Variants in SMYD3 observed in about 807,000 individuals in gnomAD.
The protein encoded by SMYD3 is histone-lysine N-methyltransferase SMYD3.
Under a neutral mutation model 57.7 loss-of-function variants are expected in SMYD3, and 36 were observed. The ratio of observed to expected loss-of-function variants is 0.62; its 90% CI spans 0.48 to 0.82. The LOEUF is 0.82. Ranked by LOEUF, SMYD3 falls within the 40% of genes least tolerant of loss-of-function variation. The pLI is 0.00. For synonymous variants in SMYD3, 211 were observed against 195.0 expected, an observed-to-expected ratio of 1.08 and a Z score of -0.68; for missense variants, 515 against 538.8, an observed-to-expected ratio of 0.96 and a Z score of 0.44.
At chr1:246,467,842 T>C (rs992569377) in intron 1 of SMYD3, among the ~76,000 whole-genome samples, 3 of 152,162 alleles carry the variant, frequency 2.0e-5, no homozygotes, top group African/African-American at 7.2e-5. Context: ...CTGATTAACA[T>C]AGAGGCAAAA....
chr1:245,767,844 C>CT (rs1302180502), intron 10 of SMYD3, among the ~76,000 whole-genome samples: 1 of 152,226 alleles, frequency 6.6e-6, no homozygotes, highest in African/African-American at 2.4e-5. Flanking sequence ...CTGGACTTAC[C>CT]TTGCCAGCAG....
At chr1:245,816,103 T>C (rs1479287066) in intron 10 of SMYD3, among the ~76,000 whole-genome samples, 1 of 152,246 alleles carries the variant, frequency 6.6e-6, no homozygotes, top group Non-Finnish European at 1.5e-5. Context: ...GAAGATAATG[T>C]ATTCAATGAA....
chr1:246,404,729 G>A (rs1334393596), intron 1 of SMYD3, among the ~76,000 whole-genome samples: 1 of 151,976 alleles, frequency 6.6e-6, no homozygotes, highest in Non-Finnish European at 1.5e-5. Flanking sequence ...GCTAGTTAAT[G>A]AAAATTCAAT....
At chr1:246,122,797 C>T (rs914935330) in intron 5 of SMYD3, among the ~76,000 whole-genome samples, 4 of 152,166 alleles carry the variant, frequency 2.6e-5, no homozygotes, top group Non-Finnish European at 4.4e-5. Flanking sequence ...AACAAACATG[C>T]CCCTGCTCTC....
chr1:246,314,641 G>A (rs1388741301), intron 5 of SMYD3, among the ~76,000 whole-genome samples: 2 of 152,106 alleles, frequency 1.3e-5, no homozygotes, highest in African/African-American at 4.8e-5. Context: ...GAAAGTATGG[G>A]CCAAAAAATG....
chr1:246,103,711 C>T (rs2061062321), intron 5 of SMYD3, among the ~76,000 whole-genome samples: 1 of 152,152 alleles, frequency 6.6e-6, no homozygotes, highest in South Asian at 2.1e-4. Context: ...AAAATCTTCT[C>T]ATGTGAATAA....
At chr1:245,798,211 G>A (rs1180922729) in intron 10 of SMYD3, among the ~76,000 whole-genome samples, 1 of 151,842 alleles carries the variant, frequency 6.6e-6, no homozygotes. Flanking sequence ...TCCTTAGCCT[G>A]GCCTGCGCCA....
At chr1:245,873,413 G>A (rs2052325031) in intron 8 of SMYD3, among the ~76,000 whole-genome samples, 1 of 152,176 alleles carries the variant, frequency 6.6e-6, no homozygotes, top group Non-Finnish European at 1.5e-5. Flanking sequence ...CAATACTGTT[G>A]TGTAAACGCT....
intron 1 of SMYD3, among the ~76,000 whole-genome samples, chr1:246,408,910 T>A (rs1210710551): frequency 6.6e-6 from 1 of 152,186 alleles, no homozygotes; most frequent in Non-Finnish European, 1.5e-5. Context: ...CCTCAAATGA[T>A]CTGCCCGCTT....
At chr1:246,495,966 A>AAAT (rs36118885) in intron 1 of SMYD3, among the ~76,000 whole-genome samples, 81,583 of 148,674 alleles carry the variant, frequency 0.55, 22,756 homozygotes, top group East Asian at 0.74. Context: ...TCACCTCAAA[A>AAAT]AATAATAATA....
rs2065370635 is a variant in SMYD3, at chr1:246,327,257, T to C, written c.475A>G (p.Ile159Val). ...MTFQHFMREE[I>V]QDASQLPPAF... ...GGTGGCAGCTGAGAGGCATCCTGTATTTCTTCTCTCATGAAATGTTGAAAT... is the reference window on the plus strand; with the variant it reads ...GGTGGCAGCTGAGAGGCATCCTGTACTTCTTCTCTCATGAAATGTTGAAAT... Residue 159 changes from isoleucine (I) to valine (V), a missense_variant, in exon 5 of 12, where the codon ATA (isoleucine) becomes GTA (valine). Physicochemically the swap from Ile to Val is conservative, Grantham distance 29. Transcript: ENST00000490107. 3.1e-6 allele frequency: 5 copies of C among 1,614,110 alleles called. No individual in the cohort carries two copies. The highest frequency in any genetic ancestry group is 4.2e-6 in the Non-Finnish European group (5 of 1,179,980).
chr1:246,217,705 T>A (rs973621847), intron 5 of SMYD3, among the ~76,000 whole-genome samples: 3 of 152,056 alleles, frequency 2.0e-5, no homozygotes, highest in African/African-American at 4.8e-5. Context: ...ATAAAGAAAA[T>A]TTTTTAATGT....
Position 245,874,861 on chromosome 1 carries a change from G to A in SMYD3, c.814-10975C>T, listed in dbSNP as rs535560962. Among the ~76,000 whole-genome samples, 12 of 152,346 alleles carry A rather than the reference G, an allele frequency of 7.9e-5. No homozygotes were observed. The South Asian group carries it at 2.3e-3, about 29-fold the overall frequency. On this transcript the variant is annotated intron_variant, in intron 8 of 11. Transcript: ENST00000490107. ...AGCTGGAGGGTGGGTCACCCCAGAG[G>A]GCAGTCACTTGGCCTAAAGGTCTGG... is the stretch of plus-strand genomic sequence containing the variant.
intron 5 of SMYD3, among the ~76,000 whole-genome samples, chr1:246,057,157 C>T (rs1392218736): frequency 6.6e-6 from 1 of 152,152 alleles, no homozygotes; most frequent in Non-Finnish European, 1.5e-5. Context: ...ATTGCATCTA[C>T]CTCAAAGGGC....
In SMYD3 at chr1:246,406,376, G is replaced by T. The variant is rs117109896; in HGVS notation, c.165-51282C>A. On this transcript the variant is annotated intron_variant, in intron 1 of 11. Coordinates refer to ENST00000490107, the MANE Select transcript of SMYD3 (RefSeq NM_001167740.2). ...TTATTATCCTTGCCAAAAGGAAGGA[G>T]AAGAAAAGCATGAGGCTGAATTTTT... Among the ~76,000 whole-genome samples the T allele has an allele frequency of 6.6e-5, 10 of 152,288 alleles. No homozygotes were observed. In the East Asian group the frequency reaches 1.7e-3, roughly 26 times the overall value.
At chr1:246,191,212 A>G (rs1317407974) in intron 5 of SMYD3, among the ~76,000 whole-genome samples, 1 of 152,220 alleles carries the variant, frequency 6.6e-6, no homozygotes, top group African/African-American at 2.4e-5. Flanking sequence ...TGAAATCAGT[A>G]CAGGGCCCTT....
At chr1:245,971,548 C>T (rs1321177130) in intron 5 of SMYD3, among the ~76,000 whole-genome samples, 2 of 152,210 alleles carry the variant, frequency 1.3e-5, no homozygotes, top group Non-Finnish European at 2.9e-5. Context: ...CACACGCTCT[C>T]GTCTGGTTAG....
chr1:246,340,468 C>A (rs2065616173), intron 2 of SMYD3, among the ~76,000 whole-genome samples: 1 of 151,892 alleles, frequency 6.6e-6, no homozygotes, highest in South Asian at 2.1e-4. Flanking sequence ...AACCAATAGA[C>A]AACTAATACA....
intron 5 of SMYD3, among the ~76,000 whole-genome samples, chr1:246,006,192 C>T (rs532362361): frequency 6.6e-6 from 1 of 152,276 alleles, no homozygotes; most frequent in East Asian, 1.9e-4. Context: ...CCCCCAAAGC[C>T]CCAAAGTGGA....
Sources: gnomAD v4.1 joint callset for allele counts (sites outside exome capture counted in the v4.1 genomes callset) on GRCh38, gnomAD v4.1.1 for gene constraint, MANE v1.5 for transcripts, NCBI Gene and HGNC (gene_info 2026-07-23, HGNC 2026-07-21) for gene names.